Variants in KCTD1 observed in about 807,000 individuals in gnomAD.
KCTD1 encodes the protein BTB/POZ domain-containing protein KCTD1.
Under a neutral mutation model 66.0 loss-of-function variants are expected in KCTD1, and 24 were observed. The ratio of observed to expected loss-of-function variants is 0.36; its 90% CI spans 0.26 to 0.51. The LOEUF (loss-of-function observed/expected upper bound fraction) is 0.51. Among genes scored for constraint, KCTD1 ranks in the 20% least tolerant of loss-of-function variants. The pLI is 0.95. For missense variants in KCTD1, 943 were observed against 1,205.2 expected (o/e 0.78, Z 3.22); for synonymous variants, 511 against 517.2 (o/e 0.99, Z 0.16).
upstream of KCTD1, among the ~76,000 whole-genome samples, chr18:26,551,169 G>C (rs1466974196): frequency 6.6e-6 from 1 of 152,178 alleles, no homozygotes; most frequent in African/African-American, 2.4e-5. Flanking sequence ...TGGGTTGGAC[G>C]CTCCGGGAAA....
chr18:26,592,387 G>T (rs374301396), intron 1 of KCTD1, among the ~76,000 whole-genome samples: 21 of 152,200 alleles, frequency 1.4e-4, no homozygotes, highest in African/African-American at 5.1e-4. Context: ...TCAGAATTCT[G>T]CAGTCGCTTT....
intron 3 of KCTD1, among the ~76,000 whole-genome samples, chr18:26,462,897 T>TTTG (rs1403008262): frequency 6.6e-6 from 1 of 152,210 alleles, no homozygotes; most frequent in African/African-American, 2.4e-5. Context: ...TCCTTAAGCC[T>TTTG]TTGTTCTAAT....
intron 1 of KCTD1, among the ~76,000 whole-genome samples, chr18:26,636,159 C>G (rs1292952919): frequency 6.6e-6 from 1 of 152,018 alleles, no homozygotes; most frequent in Non-Finnish European, 1.5e-5. Flanking sequence ...TTAAAGTGGG[C>G]TAGGACTGCC....
chr18:26,643,084 G>A (rs530569733), upstream of KCTD1, among the ~76,000 whole-genome samples: 3 of 152,212 alleles, frequency 2.0e-5, no homozygotes, highest in Admixed American at 6.5e-5. Context: ...TATTTCCCAC[G>A]GTTCTGGAGG....
chr18:26,508,709 T>C (rs28544943), intron 1 of KCTD1, among the ~76,000 whole-genome samples: 38 of 73,008 alleles, frequency 5.2e-4, no homozygotes, highest in Non-Finnish European at 1.0e-3. Flanking sequence ...TTAAATATAT[T>C]TCTCTCTCTC....
intron 2 of KCTD1, among the ~76,000 whole-genome samples, chr18:26,479,787 TG>T (rs149858604): frequency 2.5e-4 from 38 of 152,274 alleles, no homozygotes; most frequent in African/African-American, 9.1e-4. Context: ...CGTCCCTGGG[TG>T]GTTTTTGAGA....
intron 1 of KCTD1, among the ~76,000 whole-genome samples, chr18:26,605,768 C>CTATCTATA (rs558732795): frequency 1.2e-3 from 163 of 134,118 alleles, no homozygotes; most frequent in African/African-American, 4.4e-3. Flanking sequence ...ATCTATCTAT[C>CTATCTATA]TATATTACAT....
At chr18:26,490,759 C>CTT (rs367683389) in intron 2 of KCTD1, among the ~76,000 whole-genome samples, 5 of 147,954 alleles carry the variant, frequency 3.4e-5, no homozygotes, top group African/African-American at 1.2e-4. Context: ...GTTTAGAGGG[C>CTT]TTTTTTTTTT....
rs1057151635 is a variant in KCTD1 at position 26,601,346 on chromosome 18, A to G, written c.-16+27801T>C. ...ATTGGTAAAAAAAAAAAAAAAAAAA[A>G]AAAGAAAGAAATTCAATTGACCATA... On this transcript the variant is annotated intron_variant, in intron 1 of 4. Coordinates refer to the KCTD1 transcript ENST00000317932. Among the ~76,000 whole-genome samples the G allele has an allele frequency of 1.7e-3, 250 of 150,832 alleles. 2 individuals are homozygous for G. Among genetic ancestry groups the G allele is most frequent in the African/African-American group, 5.6e-3 (229 of 41,226 alleles).
At chr18:26,463,687 C>A (rs1980565514) in intron 3 of KCTD1, among the ~76,000 whole-genome samples, 1 of 152,158 alleles carries the variant, frequency 6.6e-6, no homozygotes, top group Non-Finnish European at 1.5e-5. Flanking sequence ...CAGGTGCCCA[C>A]CACTACGCCC....
At chr18:26,469,236 G>C (rs138566290) in intron 3 of KCTD1, among the ~76,000 whole-genome samples, 177 of 151,872 alleles carry the variant, frequency 1.2e-3, no homozygotes, top group African/African-American at 4.0e-3. Flanking sequence ...GGTGTGTTTG[G>C]TACTTAGAAT....
intron 1 of KCTD1, among the ~76,000 whole-genome samples, chr18:26,622,007 A>G (rs1568012411): frequency 6.6e-6 from 1 of 152,164 alleles, no homozygotes; most frequent in Non-Finnish European, 1.5e-5. Flanking sequence ...TTTTACAAAG[A>G]TGGATTCTAG....
At chr18:26,531,831 G>C (rs1368573099) in intron 1 of KCTD1, among the ~76,000 whole-genome samples, 6 of 152,200 alleles carry the variant, frequency 3.9e-5, no homozygotes, top group Non-Finnish European at 8.8e-5. Context: ...CTCCCAAGCT[G>C]ATCTCATTCT....
At chr18:26,504,116 G>A (rs912638894) in intron 1 of KCTD1, among the ~76,000 whole-genome samples, 1 of 152,140 alleles carries the variant, frequency 6.6e-6, no homozygotes, top group Non-Finnish European at 1.5e-5. Flanking sequence ...GCCCAGGCTG[G>A]AGTGCAGTGG....
intron 1 of KCTD1, among the ~76,000 whole-genome samples, chr18:26,511,737 C>T (rs760513281): frequency 3.3e-5 from 5 of 152,186 alleles, no homozygotes; most frequent in Admixed American, 6.6e-5. Flanking sequence ...TTGCCACTCT[C>T]TTATTACTAG....
intron 1 of KCTD1, among the ~76,000 whole-genome samples, chr18:26,598,396 C>G (rs1282183889): frequency 1.3e-5 from 2 of 151,870 alleles, no homozygotes; most frequent in Admixed American, 1.3e-4. Flanking sequence ...CACTGTTAGA[C>G]TATTATAAAT....
chr18:26,507,272 G>A (rs8083585), intron 1 of KCTD1, among the ~76,000 whole-genome samples: 12,856 of 152,270 alleles, frequency 0.084, 616 homozygotes, highest in Middle Eastern at 0.17. Context: ...AGTAAACTTT[G>A]CTAGAATTTT....
At chr18:26,498,574 A>T (rs1459335886) in intron 2 of KCTD1, among the ~76,000 whole-genome samples, 2 of 151,876 alleles carry the variant, frequency 1.3e-5, no homozygotes, top group East Asian at 3.8e-4. Flanking sequence ...AATTTAAAAA[A>T]TTACTGAGTT....
intron 1 of KCTD1, among the ~76,000 whole-genome samples, chr18:26,578,897 A>G (rs974616393): frequency 2.0e-5 from 3 of 152,206 alleles, no homozygotes; most frequent in Non-Finnish European, 4.4e-5. Context: ...ACAGGGTACC[A>G]ATTACTTAAG....
Sources: allele counts gnomAD v4.1 joint callset (sites outside exome capture counted in the v4.1 genomes callset), GRCh38; gene constraint gnomAD v4.1.1; transcripts MANE v1.5; gene names NCBI Gene and HGNC (gene_info 2026-07-23, HGNC 2026-07-21).